CEP192: variants seen among roughly 807,000 people sequenced by gnomAD.
CEP192 encodes centrosomal protein 192, also known as centrosomal protein of 192 kDa.
Under a neutral mutation model 271.8 loss-of-function variants are expected in CEP192, and 151 were observed. That is an observed-to-expected ratio of 0.56 (90% confidence interval 0.49 to 0.64). The LOEUF is 0.64. Among genes scored for constraint, CEP192 ranks in the 30% least tolerant of loss-of-function variants. The pLI, the probability that CEP192 is intolerant of heterozygous loss-of-function variation, is 0.00. For missense variants in CEP192, 2,910 were observed against 3,020.5 expected (o/e 0.96, Z 0.86); for synonymous variants, 995 against 1,076.5 (o/e 0.92, Z 1.48).
intron 1 of CEP192, among the ~76,000 whole-genome samples, chr18:12,993,966 G>C (rs1355800983): frequency 6.6e-6 from 1 of 152,202 alleles, no homozygotes; most frequent in South Asian, 2.1e-4. Flanking sequence ...GAACAAGATA[G>C]ACATTTCCCC....
intron 30 of CEP192, among the ~76,000 whole-genome samples, chr18:13,080,226 G>A (rs1220836436): frequency 1.3e-5 from 2 of 152,128 alleles, no homozygotes; most frequent in South Asian, 2.1e-4. Flanking sequence ...ATTACCTTGG[G>A]CAGTGTGGCC....
At chr18:13,019,723 T>TTTTGC (rs1224844158) in intron 9 of CEP192, among the ~76,000 whole-genome samples, 1 of 152,154 alleles carries the variant, frequency 6.6e-6, no homozygotes, top group African/African-American at 2.4e-5. Context: ...ATGCTTGCTT[T>TTTTGC]TTTGCTTTAT....
intron 4 of CEP192, among the ~76,000 whole-genome samples, chr18:13,010,168 T>C (rs1463420194): frequency 6.6e-6 from 1 of 151,938 alleles, no homozygotes; most frequent in African/African-American, 2.4e-5. Flanking sequence ...AATAAAAATA[T>C]AGGGAAAGTT....
intron 11 of CEP192, among the ~76,000 whole-genome samples, chr18:13,031,211 C>G (rs866287819): frequency 3.3e-5 from 5 of 150,470 alleles, no homozygotes; most frequent in Admixed American, 3.3e-4. Context: ...AGCCACGCTG[C>G]TCAGGGGCCT....
intron 20 of CEP192, 63 bp downstream of exon 20, chr18:13,057,796 C>G (rs750038160): frequency 3.4e-5 from 51 of 1,518,892 alleles, no homozygotes; most frequent in Non-Finnish European, 4.6e-5. Flanking sequence ...GCTTGATTTC[C>G]CCCATCTCTA....
At chr18:13,000,060 A>G (rs770334518) in intron 2 of CEP192, among the ~76,000 whole-genome samples, 78 of 81,936 alleles carry the variant, frequency 9.5e-4, no homozygotes, top group African/African-American at 2.2e-3. Flanking sequence ...ATCCCACTCT[A>G]TTTCTCTCTG....
intron 28 of CEP192, 116 bp from the exon 29 acceptor site, chr18:13,072,639 G>T: frequency 1.4e-6 from 1 of 706,086 alleles, no homozygotes; most frequent in Non-Finnish European, 2.5e-6. Context: ...TACTGAAATG[G>T]CTTGTATAGT....
intron 29 of CEP192, 28 bp downstream of exon 29, chr18:13,072,873 T>G: frequency 1.3e-6 from 2 of 1,567,988 alleles, no homozygotes; most frequent in Non-Finnish European, 1.8e-6. Context: ...ATTCTTGTTA[T>G]GTCTTCTGTC....
Position 13,068,941 on chromosome 18 carries a change from C to T in CEP192, c.4912C>T (p.Leu1638Phe). ...NPTPVLRSVS[L>F]RARAGIARIH... ...TACGCCCGTTCTTAGAAGTGTGAGT[C>T]TCCGAGCAAGAGCAGGAATAGCTAG... The change falls in exon 25 of 45, where the codon CTC becomes TTC. Residue 1638 changes from leucine (L) to phenylalanine (F), a missense_variant. Leu to Phe is a conservative substitution (Grantham distance 22). Transcript: ENST00000506447. 6.2e-7 allele frequency: 1 copy of T among 1,614,168 alleles called. No homozygotes were observed.
At chr18:13,057,257 G>GT (rs67570900) in intron 19 of CEP192, among the ~76,000 whole-genome samples, 133,792 of 147,942 alleles carry the variant, frequency 0.9, 60,565 homozygotes, top group Admixed American at 0.94. Flanking sequence ...TTTTTTGTTT[G>GT]TTTTTTTTTT....
rs1006660781 is a variant in CEP192, at chr18:13,030,594, A to C, written c.1520A>C (p.Asp507Ala). The change falls in exon 11 of 45, where the codon GAC (aspartate) becomes GCC (alanine). Residue 507 changes from aspartate to alanine, a missense_variant. Coordinates refer to ENST00000506447, the MANE Select transcript of CEP192 (RefSeq NM_032142.4). Reference protein sequence around the residue: ...NVSLSDEMNEDFRSGSEAFDL... With the variant: ...NVSLSDEMNEAFRSGSEAFDL... ...TCTCTAAGTGATGAGATGAATGAAG[A>C]CTTCAGATCTGGTTGTAAGTATATG... The C allele has an allele frequency of 1.9e-6, 3 of 1,607,610 alleles. No individual in the cohort carries two copies. Among genetic ancestry groups the C allele is most frequent in the South Asian group, 2.2e-5 (2 of 90,664 alleles).
intron 5 of CEP192, among the ~76,000 whole-genome samples, chr18:13,014,209 G>A (rs964706532): frequency 7.9e-5 from 12 of 152,214 alleles, no homozygotes; most frequent in Non-Finnish European, 1.5e-4. Flanking sequence ...GAAGTTAGGT[G>A]TAGTGAAGTT....
intron 21 of CEP192, among the ~76,000 whole-genome samples, chr18:13,060,071 C>T (rs540237019): frequency 2.0e-5 from 3 of 152,236 alleles, no homozygotes; most frequent in East Asian, 1.9e-4. Flanking sequence ...AGTCCTGAGT[C>T]GCTTAACAAT....
intron 39 of CEP192, 145 bp downstream of exon 39, chr18:13,103,733 C>G: frequency 1.4e-6 from 1 of 712,412 alleles, no homozygotes; most frequent in East Asian, 2.8e-5. Context: ...CTCTGTCGCC[C>G]AGGCTGGAGT....
chr18:13,081,763 C>T (rs999827602), intron 30 of CEP192, among the ~76,000 whole-genome samples: 1 of 152,030 alleles, frequency 6.6e-6, no homozygotes, highest in Non-Finnish European at 1.5e-5. Context: ...TTTCCCTCTA[C>T]ACACTGATTT....
At chr18:13,025,483 CTGGGA>C (rs2035243069) in intron 9 of CEP192, among the ~76,000 whole-genome samples, 1 of 152,176 alleles carries the variant, frequency 6.6e-6, no homozygotes, top group Admixed American at 6.5e-5. Flanking sequence ...TCCTGAAGTG[CTGGGA>C]TTACAGGGGC....
chr18:13,042,611 C>G (rs1423630012), intron 15 of CEP192, among the ~76,000 whole-genome samples: 1 of 152,132 alleles, frequency 6.6e-6, no homozygotes, highest in Non-Finnish European at 1.5e-5. Flanking sequence ...AGAACATTGC[C>G]AACAGCTCAG....
intron 9 of CEP192, among the ~76,000 whole-genome samples, chr18:13,025,209 ATAT>A (rs537813819): frequency 6.6e-6 from 1 of 151,356 alleles, no homozygotes. Flanking sequence ...TATTTTAAGA[ATAT>A]TATTATTATT....
intron 38 of CEP192, among the ~76,000 whole-genome samples, chr18:13,102,671 A>C (rs188157364): frequency 2.0e-5 from 3 of 152,218 alleles, no homozygotes; most frequent in Admixed American, 2.0e-4. Flanking sequence ...TGCAGCTGCT[A>C]TGCGCCAGGG....
Sources: gnomAD v4.1 joint callset for allele counts (sites outside exome capture counted in the v4.1 genomes callset) on GRCh38, gnomAD v4.1.1 for gene constraint, MANE v1.5 for transcripts, NCBI Gene and HGNC (gene_info 2026-07-23, HGNC 2026-07-21) for gene names.